The following SPARC variants were observed in gnomAD, a reference collection of about 807,000 sequenced individuals.
The protein encoded by SPARC is secreted protein acidic and cysteine rich.
SPARC carries 23 observed loss-of-function variants against 37.7 expected under a neutral mutation model. The ratio of observed to expected loss-of-function variants is 0.61; its 90% confidence interval spans 0.44 to 0.87. The LOEUF (loss-of-function observed/expected upper bound fraction) is 0.87, where lower values mean the gene tolerates loss of function less well. Ranked by LOEUF, SPARC falls within the 40% of genes least tolerant of loss-of-function variation. The pLI, the probability that SPARC is intolerant of heterozygous loss-of-function variation, is 0.00. For missense variants in SPARC, 312 were observed against 389.0 expected (o/e 0.80, Z 1.66); for synonymous variants, 155 against 150.8 (o/e 1.03, Z -0.20).
chr5:151,673,008 C>A (rs1245738854), intron 4 of SPARC, 121 bp downstream of exon 4: 4 of 752,028 alleles, frequency 5.3e-6, no homozygotes, highest in Non-Finnish European at 9.8e-6. Flanking sequence ...TCCTTCATAG[C>A]CCACTGAGGA....
At position 151,661,438 on chromosome 5, in the gene SPARC, A is replaced by G. The variant is rs956050046; in HGVS notation, c.*2133T>C. ...CTCCCACTGTGTAGAAGAGAACACC[A>G]GAATACAGTTTGATTTTTTAGGAGC... On this transcript the variant is annotated 3_prime_UTR_variant, in exon 10 of 10. Coordinates refer to ENST00000231061, the MANE Select transcript of SPARC (RefSeq NM_003118.4). 1.3e-5 allele frequency: 2 copies of G among 152,236 alleles called. No individual in the cohort carries two copies. Among genetic ancestry groups the G allele is most frequent in the African/African-American group, 4.8e-5 (2 of 41,460 alleles). 9.4% of individuals were successfully genotyped at this position (152,236 alleles called of 1,614,324 possible).
intron 2 of SPARC, among the ~76,000 whole-genome samples, chr5:151,675,910 T>C (rs1055057608): frequency 6.6e-6 from 1 of 152,086 alleles, no homozygotes; most frequent in Non-Finnish European, 1.5e-5. Context: ...TACTAAGAAG[T>C]TTATCTAACA....
At chr5:151,667,444 G>A (rs757618716) in intron 7 of SPARC, 23 bp downstream of exon 7, 21 of 1,613,900 alleles carry the variant, frequency 1.3e-5, no homozygotes, top group Middle Eastern at 1.6e-4. Context: ...CACGGGGCCA[G>A]CAAGGCCAGA....
intron 9 of SPARC, among the ~76,000 whole-genome samples, chr5:151,663,815 C>G (rs750045136): frequency 1.8e-4 from 28 of 152,190 alleles, no homozygotes; most frequent in Non-Finnish European, 3.4e-4. Context: ...TTCCTGTTTC[C>G]TCTCTGTGTG....
intron 1 of SPARC, among the ~76,000 whole-genome samples, chr5:151,682,523 G>C (rs998449640): frequency 8.5e-5 from 13 of 152,112 alleles, no homozygotes; most frequent in African/African-American, 3.1e-4. Context: ...ACATGTGGCA[G>C]ACATTACTAA....
chr5:151,682,733 G>A (rs73797038), intron 1 of SPARC, among the ~76,000 whole-genome samples: 5,656 of 152,292 alleles, frequency 0.037, 360 homozygotes, highest in African/African-American at 0.13. Context: ...GCAAGCTGGT[G>A]TCTAAGCCAA....
Position 151,685,336 on chromosome 5 carries a change from C to T in SPARC, c.-14+1529G>A, listed in dbSNP as rs144327994. 5 of 151,876 alleles carry T rather than the reference C, an allele frequency of 3.3e-5. No individual in the cohort carries two copies. In the East Asian group the frequency reaches 9.7e-4, roughly 29 times the overall value. 9.4% of individuals were successfully genotyped at this position (151,876 alleles called of 1,614,324 possible). On this transcript the variant is annotated intron_variant, in intron 1 of 9. Transcript: ENST00000231061. Reference sequence around the variant, plus strand: ...TCCTCACTCCATCCCCACGTCATGCCCTCTAATCCATTTGAGAATATCTTA... The same window carrying T: ...TCCTCACTCCATCCCCACGTCATGCTCTCTAATCCATTTGAGAATATCTTA...
intron 6 of SPARC, among the ~76,000 whole-genome samples, chr5:151,668,159 T>TC (rs3836865): frequency 0.56 from 82,239 of 147,232 alleles, 22,965 homozygotes; most frequent in Admixed American, 0.61. Context: ...TTTTTCTTCT[T>TC]TTTTTTTTTT....
intron 6 of SPARC, among the ~76,000 whole-genome samples, 181 bp downstream of exon 6, chr5:151,669,483 A>T (rs534202739): frequency 1.3e-5 from 2 of 152,310 alleles, no homozygotes; most frequent in South Asian, 4.1e-4. Context: ...CCCTGAACTC[A>T]GAGTTGAGAG....
Position 151,671,851 on chromosome 5 carries a change from A to G in SPARC, c.209-157T>C, listed in dbSNP as rs533431330. On this transcript the variant is annotated intron_variant, in intron 4 of 9. Transcript: ENST00000231061. ...CCTGCCTGCTCTTGCACTGAGCCTCACAGTCAACATTTAGGGCAGCAGCTG... is the reference window on the plus strand; with the variant it reads ...CCTGCCTGCTCTTGCACTGAGCCTCGCAGTCAACATTTAGGGCAGCAGCTG... 30 of 863,408 alleles carry G rather than the reference A, an allele frequency of 3.5e-5. No individual in the cohort carries two copies. In the East Asian group the frequency reaches 8.8e-4, roughly 25 times the overall value. 53.5% of individuals were successfully genotyped at this position (863,408 alleles called of 1,614,324 possible). A position where few individuals can be genotyped will look rare whatever the true frequency, so the allele number is the denominator to read the frequency against.
In SPARC at chr5:151,676,156, C is replaced by G. The variant is rs1375436903; in HGVS notation, c.33G>C (p.Leu11=). The G allele has an allele frequency of 6.2e-7, 1 of 1,612,476 alleles. No homozygotes were observed. The highest frequency in any genetic ancestry group is 1.1e-5 in the South Asian group (1 of 90,346). The change falls in exon 2 of 10, where the codon CTG becomes CTC. Residue 11 remains leucine (L), a synonymous_variant. Coordinates refer to ENST00000231061, the MANE Select transcript of SPARC (RefSeq NM_003118.4). ...CAGGGGCTGCCAAGGCCCTCCCGGC[C>G]AGGCAAAGGAGAAAGAAGATCCAGG... The part of the protein sequence containing the change: MRAWIFFLLC[L]AGRALAAPQQ...
chr5:151,685,918 A>G (rs749770151), intron 1 of SPARC: 3 of 152,186 alleles, frequency 2.0e-5, no homozygotes, highest in Non-Finnish European at 2.9e-5. Context: ...TCCACTTGAC[A>G]GCCAGTTCAC....
chr5:151,664,369 C>G, intron 8 of SPARC, 134 bp from the exon 9 acceptor site: 1 of 760,034 alleles, frequency 1.3e-6, no homozygotes, highest in South Asian at 1.7e-5. Context: ...AAGCCAGAAT[C>G]CCAGGTCTAC....
In SPARC at chr5:151,667,468, C is replaced by G. The variant is rs780143477; in HGVS notation, c.584G>C (p.Arg195Pro). The stretch of plus-strand genomic sequence containing the variant: ...AGCAAGGCCAGAGAGACCACTTACC[C>G]GCAGCTTCTGCTTCTCAGTCAGAAG... ...NNLLTEKQKL[R>P]VKKIHENEKR... The change falls in exon 7 of 10, where the codon CGG becomes CCG. Residue 195 changes from arginine (R) to proline (P), a missense_variant and splice_region_variant. Physicochemically the swap from Arg to Pro is moderately radical, Grantham distance 103. Transcript: ENST00000231061. 23 of 1,614,014 alleles carry G rather than the reference C, an allele frequency of 1.4e-5. No homozygotes were observed. The highest frequency in any genetic ancestry group is 1.9e-5 in the Non-Finnish European group (23 of 1,180,004).
rs111230096 is a variant in SPARC, at chr5:151,671,697, G to A, written c.209-3C>T. The stretch of plus-strand genomic sequence containing the variant: ...GCAGTGGTGGTTCTGGCAGGGATCT[G>A]TAGGGCAGAAAGACAAGGGAGTTAG... On this transcript the variant is annotated splice_region_variant and splice_polypyrimidine_tract_variant and intron_variant, in intron 4 of 9. Coordinates refer to ENST00000231061, the MANE Select transcript of SPARC (RefSeq NM_003118.4). The A allele has an allele frequency of 6.2e-7, 1 of 1,613,726 alleles. No homozygotes were observed. The highest frequency in any genetic ancestry group is 8.5e-7 in the Non-Finnish European group (1 of 1,179,790).
intron 6 of SPARC, 38 bp from the exon 7 acceptor site, chr5:151,667,638 G>A: frequency 2.5e-6 from 4 of 1,607,672 alleles, no homozygotes; most frequent in Non-Finnish European, 3.4e-6. Context: ...CACAGACCCT[G>A]CCTGGGCCGT....
chr5:151,679,810 A>C (rs905471908), intron 1 of SPARC: 2 of 152,208 alleles, frequency 1.3e-5, no homozygotes, highest in African/African-American at 2.4e-5. Flanking sequence ...GGACGTTAAA[A>C]AGCCACTGAA....
intron 5 of SPARC, among the ~76,000 whole-genome samples, chr5:151,670,480 C>CT (rs563415863): frequency 6.2e-4 from 95 of 152,342 alleles, no homozygotes; most frequent in African/African-American, 2.1e-3. Context: ...CTGATGACCC[C>CT]TCTTGGGAGT....
intron 7 of SPARC, 77 bp downstream of exon 7, chr5:151,667,390 C>T (rs1760647004): frequency 1.9e-6 from 3 of 1,572,794 alleles, no homozygotes; most frequent in South Asian, 2.2e-5. Flanking sequence ...TGCCGCCCTG[C>T]AGCTGGGGGC....
Sources: gnomAD v4.1 joint callset for allele counts (sites outside exome capture counted in the v4.1 genomes callset) on GRCh38, gnomAD v4.1.1 for gene constraint, MANE v1.5 for transcripts, NCBI Gene and HGNC (gene_info 2026-07-23, HGNC 2026-07-21) for gene names.